Variants in KNL1 observed in about 807,000 individuals in gnomAD.
The protein encoded by KNL1 is outer kinetochore KNL1 complex subunit KNL1.
Under a neutral mutation model 201.3 loss-of-function variants are expected in KNL1, and 66 were observed. That is an observed-to-expected ratio of 0.33 (90% confidence interval 0.27 to 0.40). The LOEUF (loss-of-function observed/expected upper bound fraction) is 0.40, where lower values mean the gene tolerates loss of function less well. Among genes scored for constraint, KNL1 ranks in the 10% least tolerant of loss-of-function variants. KNL1 has a pLI of 1.00. For missense variants in KNL1, 2,815 were observed against 2,690.5 expected (o/e 1.05, Z -1.02); for synonymous variants, 895 against 899.2 (o/e 1.00, Z 0.08).
intron 5 of KNL1, 68 bp downstream of exon 5, chr15:40,608,976 T>C: frequency 3.0e-6 from 3 of 995,850 alleles, no homozygotes; most frequent in Non-Finnish European, 4.7e-6. Context: ...ACCAAATGTA[T>C]TGGTACTGAC....
At chr15:40,594,918 T>G (rs1891580075) in intron 1 of KNL1, among the ~76,000 whole-genome samples, 1 of 152,248 alleles carries the variant, frequency 6.6e-6, no homozygotes, top group Non-Finnish European at 1.5e-5. Context: ...TATAATAACC[T>G]TAACAAATGA....
intron 13 of KNL1, among the ~76,000 whole-genome samples, chr15:40,639,699 G>C (rs1893164365): frequency 6.6e-6 from 1 of 151,880 alleles, no homozygotes; most frequent in Admixed American, 6.6e-5. Flanking sequence ...GCTTGATCCT[G>C]GGAGGCTGAG....
At chr15:40,604,064 G>A (rs1891895633) in intron 2 of KNL1, among the ~76,000 whole-genome samples, 1 of 151,988 alleles carries the variant, frequency 6.6e-6, no homozygotes, top group African/African-American at 2.4e-5. Context: ...CTGTGTCCAA[G>A]CCCCACCTGT....
At position 40,652,655 on chromosome 15, in the gene KNL1, C is replaced by T. The variant is rs532260462; in HGVS notation, c.6415+550C>T. On this transcript the variant is annotated intron_variant, in intron 21 of 25. Coordinates refer to ENST00000399668, the MANE Select transcript of KNL1 (RefSeq NM_144508.5). The stretch of plus-strand genomic sequence containing the variant: ...GCATGCACCTGTAATCCTAGTTACT[C>T]GGGAGGCTGAGACAGGAGAATCATT... Among the ~76,000 whole-genome samples the T allele has an allele frequency of 2.3e-3, 333 of 147,992 alleles. 3 individuals carry two copies. The highest frequency in any genetic ancestry group is 8.1e-3 in the African/African-American group (324 of 40,126).
intron 13 of KNL1, among the ~76,000 whole-genome samples, chr15:40,637,970 G>A (rs1457836692): frequency 2.0e-5 from 3 of 151,916 alleles, no homozygotes; most frequent in African/African-American, 7.3e-5. Context: ...CTGAGCTCAG[G>A]AGTTCAAGAC....
chr15:40,642,346 C>G (rs1183307157), intron 14 of KNL1, among the ~76,000 whole-genome samples: 1 of 151,416 alleles, frequency 6.6e-6, no homozygotes, highest in Non-Finnish European at 1.5e-5. Context: ...TTGCAGTGAG[C>G]TGAGATCGCA....
chr15:40,657,314 T>A (rs1412639492), intron 23 of KNL1, 41 bp from the exon 24 acceptor site: 5 of 1,288,874 alleles, frequency 3.9e-6, no homozygotes, highest in Non-Finnish European at 4.5e-6. Context: ...CATTGAAATG[T>A]TTTCATAATT....
chr15:40,621,494 C>T lies in KNL1; in HGVS notation c.1230C>T (p.Ala410=). The change falls in exon 10 of 26, where the codon GCC becomes GCT. Residue 410 remains alanine, a synonymous_variant. Coordinates refer to ENST00000399668, the MANE Select transcript of KNL1 (RefSeq NM_144508.5). ...GTAATCAGGATGCCAGAATATTAGC[C>T]ATGACCCCAGAATCTATATATTCTA... is the stretch of plus-strand genomic sequence containing the variant. ...QTCNQDARIL[A]MTPESIYSNP... 1 of 1,613,900 alleles carries T rather than the reference C, an allele frequency of 6.2e-7. No homozygotes were observed. Among genetic ancestry groups the T allele is most frequent in the Non-Finnish European group, 8.5e-7 (1 of 1,179,912 alleles).
chr15:40,635,543 A>G (rs1161067413), intron 13 of KNL1, among the ~76,000 whole-genome samples: 1 of 151,982 alleles, frequency 6.6e-6, no homozygotes, highest in African/African-American at 2.4e-5. Context: ...TAGTAGAGGC[A>G]GGGTTTCCCC....
chr15:40,634,489 T>C (rs1019494001), intron 13 of KNL1, among the ~76,000 whole-genome samples: 7 of 152,190 alleles, frequency 4.6e-5, no homozygotes, highest in African/African-American at 1.7e-4. Context: ...ATAAAGCTGT[T>C]TAGAAACAAA....
rs1213624121 is a variant in KNL1, at chr15:40,608,828, A to G, written c.136-19A>G. The G allele has an allele frequency of 2.6e-6, 4 of 1,564,558 alleles. No individual in the cohort carries two copies. Among genetic ancestry groups the G allele is most frequent in the African/African-American group, 2.7e-5 (2 of 73,878 alleles). ...CAGTGATTTTATTAAGAATTATACC[A>G]TATATTCTCTGCCCTTAGGAATCCA... On this transcript the variant is annotated intron_variant, in intron 4 of 25. Transcript: ENST00000399668.
chr15:40,600,598 A>C (rs950963916), intron 1 of KNL1, among the ~76,000 whole-genome samples: 2 of 152,214 alleles, frequency 1.3e-5, no homozygotes, highest in African/African-American at 4.8e-5. Flanking sequence ...AAGCACATCA[A>C]ATATCTTTCA....
Position 40,623,043 on chromosome 15 carries a change from A to G in KNL1, c.2779A>G (p.Lys927Glu). ...AAGTCACACAACTGCCTTAGAATGT[A>G]AAACTGTCTCACCAGATGAAATAAC... ...TRSHTTALEC[K>E]TVSPDEITTR... is the part of the protein sequence containing the mutation. Residue 927 changes from lysine (K) to glutamate (E), a missense_variant, in exon 10 of 26, where the codon AAA becomes GAA. Coordinates refer to ENST00000399668, the MANE Select transcript of KNL1 (RefSeq NM_144508.5). 6.2e-7 allele frequency: 1 copy of G among 1,614,000 alleles called. No homozygotes were observed. The highest frequency in any genetic ancestry group is 8.5e-7 in the Non-Finnish European group (1 of 1,179,886).
At position 40,622,581 on chromosome 15, in the gene KNL1, G is replaced by C. The variant is rs1160767611; in HGVS notation, c.2317G>C (p.Gly773Arg). 1.2e-6 allele frequency: 2 copies of C among 1,611,322 alleles called. No homozygotes were observed. The highest frequency in any genetic ancestry group is 1.7e-6 in the Non-Finnish European group (2 of 1,178,940). Residue 773 changes from glycine to arginine, a missense_variant, in exon 10 of 26, where the codon GGA (glycine) becomes CGA (arginine). Transcript: ENST00000399668. ...DLTKSHTVVI[G>R]FGPSELQELG... ...AACAAAGAGCCACACTGTCGTCATT[G>C]GATTTGGTCCTTCTGAACTACAAGA...
At chr15:40,651,122 T>C (rs1893545197) in intron 19 of KNL1, among the ~76,000 whole-genome samples, 1 of 151,918 alleles carries the variant, frequency 6.6e-6, no homozygotes, top group South Asian at 2.1e-4. Flanking sequence ...GTATATCTTA[T>C]GATCTACATT....
intron 17 of KNL1, among the ~76,000 whole-genome samples, chr15:40,648,364 C>G (rs1238103336): frequency 6.6e-6 from 1 of 152,086 alleles, no homozygotes; most frequent in Non-Finnish European, 1.5e-5. Context: ...CCCAGGAGGT[C>G]AAGACTACAG....
At position 40,620,991 on chromosome 15, in the gene KNL1, A is replaced by G. The variant is rs76371152; in HGVS notation, c.727A>G (p.Ile243Val). The stretch of plus-strand genomic sequence containing the variant: ...TGATAAAGAAAATTTTGAGATACCT[A>G]TTTATTCCAAGGAACCGAACAGTGC... ...VPDKENFEIP[I>V]YSKEPNSASS... The change falls in exon 10 of 26, where the codon ATT becomes GTT. Residue 243 changes from isoleucine to valine, a missense_variant. Around this residue, in one of 3 missense-constraint regions of KNL1, gnomAD observed 2,464 missense variants for 2,291.7 expected, o/e 1.08. Coordinates refer to ENST00000399668, the MANE Select transcript of KNL1 (RefSeq NM_144508.5). 4,437 of 1,604,072 alleles carry G rather than the reference A, an allele frequency of 2.8e-3. 111 individuals are homozygous for G. In the African/African-American group the frequency reaches 0.05, roughly 18 times the overall value.
chr15:40,655,578 AAGG>A (rs1893700104), intron 22 of KNL1, among the ~76,000 whole-genome samples: 2 of 125,144 alleles, frequency 1.6e-5, no homozygotes, highest in African/African-American at 6.2e-5. Flanking sequence ...GTGACAGAGC[AAGG>A]CTCCATCTCA....
In KNL1 at chr15:40,622,327, C is replaced by T. The variant is rs541641543; in HGVS notation, c.2063C>T (p.Thr688Ile). The T allele has an allele frequency of 5.5e-5, 88 of 1,613,620 alleles. No individual in the cohort carries two copies. The highest frequency in any genetic ancestry group is 7.2e-5 in the Non-Finnish European group (85 of 1,179,732). Residue 688 changes from threonine (T) to isoleucine (I), a missense_variant, in exon 10 of 26, where the codon ACA becomes ATA. Thr to Ile is a moderately conservative substitution (Grantham distance 89). Transcript: ENST00000399668. Reference sequence around the variant, plus strand: ...GATAAACAAATAACTAATAGAAATACAGTATCATGGGAACAATCTTTGTTT... The same window carrying T: ...GATAAACAAATAACTAATAGAAATATAGTATCATGGGAACAATCTTTGTTT... ...VLDKQITNRN[T>I]VSWEQSLFST...
Sources: gnomAD v4.1 joint callset for allele counts (sites outside exome capture counted in the v4.1 genomes callset) on GRCh38, gnomAD v4.1.1 for gene constraint, gnomAD v4.1.1 regional missense constraint, MANE v1.5 for transcripts, NCBI Gene and HGNC (gene_info 2026-07-23, HGNC 2026-07-21) for gene names.